Variants in TANK observed in about 807,000 individuals in gnomAD.
The protein encoded by TANK is TRAF family member-associated NF-kappa-B activator.
In TANK, 15 loss-of-function variants were observed where a neutral mutation model predicts 43.6. The observed-to-expected ratio is 0.34, with a 90% CI of 0.23 to 0.53. The LOEUF (loss-of-function observed/expected upper bound fraction) is 0.53, where lower values mean the gene tolerates loss of function less well. Ranked by LOEUF, TANK falls within the 20% of genes least tolerant of loss-of-function variation. TANK has a pLI of 0.94. For synonymous variants in TANK, 162 were observed against 178.2 expected, an observed-to-expected ratio of 0.91 and a Z score of 0.73; for missense variants, 417 against 498.6, an observed-to-expected ratio of 0.84 and a Z score of 1.56.
At chr2:161,167,868 C>T (rs2105266155) in intron 1 of TANK, among the ~76,000 whole-genome samples, 1 of 152,250 alleles carries the variant, frequency 6.6e-6, no homozygotes, top group East Asian at 1.9e-4. Context: ...TTGTGATACG[C>T]TCGCCTCGGC....
intron 1 of TANK, among the ~76,000 whole-genome samples, chr2:161,153,876 C>T (rs1684148609): frequency 2.0e-5 from 3 of 152,154 alleles, no homozygotes; most frequent in African/African-American, 7.2e-5. Flanking sequence ...TTAGTAAAGT[C>T]ATATGATTAG....
At chr2:161,165,039 CTT>C (rs11314845) in intron 1 of TANK, among the ~76,000 whole-genome samples, 3,441 of 97,852 alleles carry the variant, frequency 0.035, 91 homozygotes, top group South Asian at 0.18. Context: ...AACACCAATA[CTT>C]TTTTTTTTTT....
chr2:161,144,320 T>G (rs1270712735), intron 1 of TANK, among the ~76,000 whole-genome samples: 2 of 152,208 alleles, frequency 1.3e-5, no homozygotes, highest in East Asian at 3.9e-4. Context: ...AGTTCTGTTC[T>G]GAACTTAGTT....
intron 1 of TANK, among the ~76,000 whole-genome samples, chr2:161,142,503 G>T (rs1012979703): frequency 6.6e-6 from 1 of 152,110 alleles, no homozygotes; most frequent in African/African-American, 2.4e-5. Flanking sequence ...TTTGTATAAG[G>T]TGTAAGGAAG....
chr2:161,139,987 A>C, intron 1 of TANK: 1 of 901,724 alleles, frequency 1.1e-6, no homozygotes, highest in Non-Finnish European at 1.3e-6. Flanking sequence ...ATTTGCTAAG[A>C]ATTTTTAATA....
intron 1 of TANK, among the ~76,000 whole-genome samples, chr2:161,149,904 T>G (rs1418195382): frequency 6.6e-6 from 1 of 152,174 alleles, no homozygotes; most frequent in African/African-American, 2.4e-5. Flanking sequence ...TTGTGGAGAA[T>G]TTTTGCATCT....
intron 1 of TANK, chr2:161,140,084 A>C: frequency 7.7e-6 from 2 of 258,674 alleles, no homozygotes; most frequent in Non-Finnish European, 1.2e-5. Flanking sequence ...TTTCTAGAAC[A>C]TATCACTGAT....
intron 2 of TANK, chr2:161,202,954 C>G: frequency 2.4e-6 from 1 of 415,052 alleles, no homozygotes; most frequent in Non-Finnish European, 4.8e-6. Flanking sequence ...CTCTTAATTT[C>G]TTAAAACTTA....
At chr2:161,149,530 C>T (rs933281439) in intron 1 of TANK, among the ~76,000 whole-genome samples, 2 of 152,142 alleles carry the variant, frequency 1.3e-5, no homozygotes, top group Admixed American at 6.5e-5. Flanking sequence ...TGTTAAATAG[C>T]AGTGGTGAAA....
intron 6 of TANK, among the ~76,000 whole-genome samples, chr2:161,226,773 A>G (rs1433653516): frequency 6.6e-6 from 1 of 152,242 alleles, no homozygotes; most frequent in East Asian, 1.9e-4. Flanking sequence ...ATAGCTTCAA[A>G]TAAAGTACTG....
intron 1 of TANK, among the ~76,000 whole-genome samples, chr2:161,176,497 G>C (rs969601076): frequency 1.3e-5 from 2 of 152,138 alleles, no homozygotes; most frequent in Admixed American, 6.6e-5. Context: ...ACATTTGTGT[G>C]ATCTAATTCA....
chr2:161,161,624 G>C, intron 1 of TANK: 1 of 726,762 alleles, frequency 1.4e-6, no homozygotes, highest in Non-Finnish European at 2.1e-6. Context: ...TATGCATACT[G>C]TTCGATAATC....
At chr2:161,181,658 GAGAAC>G (rs1307573209) in intron 2 of TANK, among the ~76,000 whole-genome samples, 1 of 152,086 alleles carries the variant, frequency 6.6e-6, no homozygotes, top group Admixed American at 6.5e-5. Context: ...CAAATCTCAT[GAGAAC>G]TCATTCACTA....
intron 2 of TANK, among the ~76,000 whole-genome samples, chr2:161,189,729 G>C (rs1685827950): frequency 6.6e-6 from 1 of 152,124 alleles, no homozygotes; most frequent in South Asian, 2.1e-4. Context: ...AAAATCAGTT[G>C]TGTTTCTATA....
intron 1 of TANK, chr2:161,162,033 A>T (rs1270960408): frequency 6.6e-6 from 1 of 152,000 alleles, no homozygotes; most frequent in Non-Finnish European, 1.5e-5. Flanking sequence ...TAAGGATTTA[A>T]TTTTTTTCTT....
At chr2:161,186,174 C>T (rs1225298076) in intron 2 of TANK, among the ~76,000 whole-genome samples, 1 of 152,088 alleles carries the variant, frequency 6.6e-6, no homozygotes, top group Non-Finnish European at 1.5e-5. Context: ...GGTGACAGAG[C>T]GAGACCCTGG....
At chr2:161,188,133 T>G (rs1685748172) in intron 2 of TANK, among the ~76,000 whole-genome samples, 1 of 152,002 alleles carries the variant, frequency 6.6e-6, no homozygotes, top group South Asian at 2.1e-4. Context: ...CTTAACTTTA[T>G]GCCTGAAGAA....
chr2:161,160,330 A>G, upstream of TANK: 1 of 860,234 alleles, frequency 1.2e-6, no homozygotes, highest in Non-Finnish European at 1.5e-6. Context: ...GCAGGGCGGA[A>G]GGGCCCTGGC....
chr2:161,212,269 C>G lies in TANK; in HGVS notation c.327+7476C>G, dbSNP rs1000484441. The G allele has an allele frequency of 1.0e-5, 6 of 580,712 alleles. 1 individual carries two copies. In the Admixed American group the frequency reaches 3.8e-4, roughly 37 times the overall value. 36.0% of individuals were successfully genotyped at this position (580,712 alleles called of 1,614,324 possible). A position where few individuals can be genotyped will look rare whatever the true frequency, so the allele number is the denominator to read the frequency against. On this transcript the variant is annotated intron_variant, in intron 4 of 7. Transcript: ENST00000392749. Reference sequence around the variant, plus strand: ...AGAGACGGGGTTTCACTATGTTGGCCAGGCTAGTCTCAAATGCCTGACCTG... The same window carrying G: ...AGAGACGGGGTTTCACTATGTTGGCGAGGCTAGTCTCAAATGCCTGACCTG...
Sources: allele counts gnomAD v4.1 joint callset (sites outside exome capture counted in the v4.1 genomes callset), GRCh38; gene constraint gnomAD v4.1.1; transcripts MANE v1.5; gene names NCBI Gene and HGNC (gene_info 2026-07-23, HGNC 2026-07-21).